Variants in NCOA5 observed in about 807,000 individuals in gnomAD.
NCOA5 encodes nuclear receptor coactivator 5.
In NCOA5, 12 loss-of-function variants were observed where a neutral mutation model predicts 59.0. The observed-to-expected ratio is 0.20, with a 90% CI of 0.13 to 0.33. NCOA5 has a LOEUF of 0.33. Among genes scored for constraint, NCOA5 ranks in the 10% least tolerant of loss-of-function variants. The probability of loss-of-function intolerance (pLI) is 1.00; values close to 1 mark genes in which losing one functional copy is unlikely to be tolerated. For synonymous variants in NCOA5, 270 were observed against 275.5 expected, an observed-to-expected ratio of 0.98 and a Z score of 0.20; for missense variants, 655 against 766.6, an observed-to-expected ratio of 0.85 and a Z score of 1.72.
intron 1 of NCOA5, among the ~76,000 whole-genome samples, chr20:46,080,087 A>G (rs899977265): frequency 6.6e-6 from 1 of 152,180 alleles, no homozygotes; most frequent in Non-Finnish European, 1.5e-5. Context: ...AAGAATAAGG[A>G]CTGGCGTTTG....
chr20:46,073,481 T>C (rs2425752), intron 2 of NCOA5, among the ~76,000 whole-genome samples: 120,304 of 152,194 alleles, frequency 0.79, 48,323 homozygotes, highest in African/African-American at 0.95. Flanking sequence ...TCCTAACATG[T>C]AACATCTGAT....
chr20:46,063,552 C>T lies in NCOA5; in HGVS notation c.958G>A (p.Ala320Thr). 1 of 1,614,198 alleles carries T rather than the reference C, an allele frequency of 6.2e-7. No individual in the cohort carries two copies. The highest frequency in any genetic ancestry group is 1.3e-5 in the African/African-American group (1 of 75,040). Residue 320 changes from alanine to threonine, a missense_variant, in exon 7 of 8, where the codon GCC becomes ACC. This residue lies in a region of NCOA5 where 325 missense variants were observed against 353.2 expected (regional missense o/e 0.92). Coordinates refer to ENST00000290231, the MANE Select transcript of NCOA5 (RefSeq NM_020967.3). ...CCTCTCTCTCTTTCCTGCAGGATGG[C>T]TTCATCGGCCATCTTGGCTGCCTGT... ...ARQAAKMADE[A>T]ILQERERGGP...
chr20:46,062,549 C>T lies in NCOA5; in HGVS notation c.1491G>A (p.Met497Ile), dbSNP rs752821814. ...ILGQGGSAQN[M>I]GPRPGAPSQG... Reference sequence around the variant, plus strand: ...GGGAAGGAGCCCCAGGTCTGGGGCCCATGTTCTGAGCAGATCCTCCCTGTC... The same window carrying T: ...GGGAAGGAGCCCCAGGTCTGGGGCCTATGTTCTGAGCAGATCCTCCCTGTC... Residue 497 changes from methionine (M) to isoleucine (I), a missense_variant, in exon 8 of 8, where the codon ATG (methionine) becomes ATA (isoleucine). This residue lies in a region of NCOA5 where 325 missense variants were observed against 353.2 expected (regional missense o/e 0.92). Transcript: ENST00000290231. 10 of 1,614,076 alleles carry T rather than the reference C, an allele frequency of 6.2e-6. No individual in the cohort carries two copies. Among genetic ancestry groups the T allele is most frequent in the Middle Eastern group, 1.6e-4 (1 of 6,084 alleles).
chr20:46,070,720 C>A (rs1365503806), intron 2 of NCOA5, among the ~76,000 whole-genome samples, 184 bp from the exon 3 acceptor site: 1 of 152,138 alleles, frequency 6.6e-6, no homozygotes, highest in East Asian at 1.9e-4. Flanking sequence ...AGAGGTTCCA[C>A]AATCTCAAAA....
intron 1 of NCOA5, among the ~76,000 whole-genome samples, chr20:46,085,754 T>G (rs1343679672): frequency 6.6e-6 from 1 of 152,136 alleles, no homozygotes; most frequent in African/African-American, 2.4e-5. Flanking sequence ...TGCAAAACAC[T>G]TTGCTATGGA....
chr20:46,084,309 C>T (rs983823838), intron 1 of NCOA5, among the ~76,000 whole-genome samples: 3 of 152,196 alleles, frequency 2.0e-5, no homozygotes, highest in Non-Finnish European at 4.4e-5. Flanking sequence ...AAACATTATG[C>T]TATGCTGCCT....
chr20:46,078,145 T>C (rs781387192), intron 2 of NCOA5, among the ~76,000 whole-genome samples: 1 of 151,992 alleles, frequency 6.6e-6, no homozygotes, highest in African/African-American at 2.4e-5. Context: ...ACAGGCAGAG[T>C]GGACAAAGAC....
At chr20:46,085,846 G>A (rs2085039911) in intron 1 of NCOA5, among the ~76,000 whole-genome samples, 1 of 152,110 alleles carries the variant, frequency 6.6e-6, no homozygotes, top group Admixed American at 6.5e-5. Context: ...CCAAATTAAC[G>A]AAACTTTATG....
At chr20:46,077,026 C>T (rs2084945000) in intron 2 of NCOA5, among the ~76,000 whole-genome samples, 1 of 152,162 alleles carries the variant, frequency 6.6e-6, no homozygotes, top group African/African-American at 2.4e-5. Flanking sequence ...AGTGATTCTC[C>T]CGCTTCAATG....
intron 1 of NCOA5, among the ~76,000 whole-genome samples, chr20:46,080,381 GATGA>G (rs569674405): frequency 6.2e-4 from 94 of 152,242 alleles, no homozygotes; most frequent in African/African-American, 2.0e-3. Context: ...TCATACTTCA[GATGA>G]ATGAAGAAAT....
intron 1 of NCOA5, among the ~76,000 whole-genome samples, chr20:46,088,558 G>A (rs1291514410): frequency 3.3e-5 from 5 of 152,118 alleles, no homozygotes; most frequent in Non-Finnish European, 5.9e-5. Context: ...CCCAGCATTT[G>A]TAGAAACATC....
chr20:46,087,992 C>CAT (rs200162359), intron 1 of NCOA5, among the ~76,000 whole-genome samples: 4 of 133,592 alleles, frequency 3.0e-5, no homozygotes, highest in South Asian at 2.5e-4. Flanking sequence ...TATACATATA[C>CAT]ATATATATAT....
In NCOA5 at chr20:46,072,341, G is replaced by A. The variant is rs1373572340; in HGVS notation, c.39-1805C>T. 2.6e-5 allele frequency among the ~76,000 whole-genome samples: 4 copies of A among 152,092 alleles called. No individual in the cohort carries two copies. In the East Asian group the frequency reaches 5.8e-4, roughly 22 times the overall value. Reference sequence around the variant, plus strand: ...CCCACAGTATGTATTTATTTTTATAGGGATGAGATCTCACCTATGCTGCCC... The same window carrying A: ...CCCACAGTATGTATTTATTTTTATAAGGATGAGATCTCACCTATGCTGCCC... On this transcript the variant is annotated intron_variant, in intron 2 of 7. Coordinates refer to ENST00000290231, the MANE Select transcript of NCOA5 (RefSeq NM_020967.3).
chr20:46,067,809 A>G lies in NCOA5; in HGVS notation c.503-628T>C, dbSNP rs199714509. Among the ~76,000 whole-genome samples, 19 of 152,254 alleles carry G rather than the reference A, an allele frequency of 1.2e-4. No individual in the cohort carries two copies. In the East Asian group the frequency reaches 3.1e-3, roughly 25 times the overall value. On this transcript the variant is annotated intron_variant, in intron 4 of 7. Transcript: ENST00000290231. The stretch of plus-strand genomic sequence containing the variant: ...TCTAAAAAAGAGATGCTGTTAGGTA[A>G]AAGTTATAAAAAAAACCAAAAACCT...
Position 46,089,624 on chromosome 20 carries a change from G to A in NCOA5, c.-30+193C>T, listed in dbSNP as rs575931654. Among the ~76,000 whole-genome samples, 360 of 152,056 alleles carry A rather than the reference G, an allele frequency of 2.4e-3. 2 individuals carry two copies. Among genetic ancestry groups the A allele is most frequent in the African/African-American group, 8.3e-3 (344 of 41,516 alleles). On this transcript the variant is annotated intron_variant, in intron 1 of 7. Transcript: ENST00000290231. ...GCCTCGGCCGGCCGGGCCTGGGCCT[G>A]ACGGGAGCCGGAGGCGGCCGCGCCC... is the stretch of plus-strand genomic sequence containing the variant.
chr20:46,071,070 G>T (rs2084877636), intron 2 of NCOA5, among the ~76,000 whole-genome samples: 1 of 151,724 alleles, frequency 6.6e-6, no homozygotes, highest in African/African-American at 2.4e-5. Flanking sequence ...TTTTGTCAGG[G>T]CTATTGAGTA....
Position 46,070,268 on chromosome 20 carries a change from G to C in NCOA5, c.307C>G (p.Arg103Gly). The C allele has an allele frequency of 6.2e-7, 1 of 1,613,974 alleles. No individual in the cohort carries two copies. Among genetic ancestry groups the C allele is most frequent in the Non-Finnish European group, 8.5e-7 (1 of 1,180,010 alleles). ...CTGTATCTGTCGTACATGGGGTCTC[G>C]CTGATCTCGAAAATCCCTAGAGTCT... ...LRDSRDFRDQ[R>G]DPMYDRYRDM... The change falls in exon 3 of 8, where the codon CGA becomes GGA. Residue 103 changes from arginine (R) to glycine (G), a missense_variant. Transcript: ENST00000290231.
chr20:46,073,636 T>G (rs1425085102), intron 2 of NCOA5, among the ~76,000 whole-genome samples: 1 of 152,202 alleles, frequency 6.6e-6, no homozygotes, highest in East Asian at 1.9e-4. Flanking sequence ...TCAAGTGTTC[T>G]TGGCAATCAG....
chr20:46,071,180 A>C (rs1283677671), intron 2 of NCOA5, among the ~76,000 whole-genome samples: 2 of 152,006 alleles, frequency 1.3e-5, no homozygotes, highest in Non-Finnish European at 2.9e-5. Flanking sequence ...ACAAAAAAAC[A>C]ACCTGAACAG....
Sources: gnomAD v4.1 joint callset for allele counts (sites outside exome capture counted in the v4.1 genomes callset) on GRCh38, gnomAD v4.1.1 for gene constraint, gnomAD v4.1.1 regional missense constraint, MANE v1.5 for transcripts, NCBI Gene and HGNC (gene_info 2026-07-23, HGNC 2026-07-21) for gene names.